ZFP62: variants seen among roughly 807,000 people sequenced by gnomAD.
ZFP62 encodes the protein zinc finger protein 62 homolog.
In ZFP62, 44 loss-of-function variants were observed where a neutral mutation model predicts 56.4. That is an observed-to-expected ratio of 0.78 (90% CI 0.61 to 1.00). The LOEUF (loss-of-function observed/expected upper bound fraction) is 1.00, where lower values mean the gene tolerates loss of function less well. Ranked by LOEUF, ZFP62 falls within the 50% of genes least tolerant of loss-of-function variation. ZFP62 has a pLI of 0.00. For missense variants in ZFP62, 1,030 were observed against 1,085.7 expected, an observed-to-expected ratio of 0.95 and a Z score of 0.72; for synonymous variants, 421 against 388.9, an observed-to-expected ratio of 1.08 and a Z score of -0.97.
At chr5:180,828,374 C>G in the ZFP62 span, among the ~76,000 whole-genome samples, 1 of 152,150 alleles carries the variant, frequency 6.6e-6, no homozygotes, top group Non-Finnish European at 1.5e-5. Context: ...GTGGGCAACA[C>G]CCCAATCCTC....
At position 180,849,131 on chromosome 5, in the gene ZFP62, A is replaced by G; in HGVS notation, c.2364T>C (p.Asp788=). The G allele has an allele frequency of 6.4e-7, 1 of 1,561,650 alleles. No individual in the cohort carries two copies. Among genetic ancestry groups the G allele is most frequent in the South Asian group, 1.2e-5 (1 of 84,688 alleles). The change falls in exon 2 of 2, where the codon GAT becomes GAC. Residue 788 remains aspartate, a synonymous_variant. Coordinates refer to ENST00000502412, the MANE Select transcript of ZFP62 (RefSeq NM_001172638.2). Reference sequence around the variant, plus strand: ...GTGAGATGTATGCCTTCCCACACTCATCACATTCATAGGGTTTCTCACCTG... The same window carrying G: ...GTGAGATGTATGCCTTCCCACACTCGTCACATTCATAGGGTTTCTCACCTG... The part of the protein sequence containing the change: ...IHTGEKPYEC[D]ECGKAYISHS...
chr5:180,851,233 C>A lies in ZFP62; in HGVS notation c.262G>T (p.Glu88Ter). Residue 88 changes from glutamate to a stop codon, truncating the protein, a stop_gained, in exon 2 of 2, where the codon GAG (glutamate) becomes TAG (stop). Transcript: ENST00000502412. LOFTEE classifies it high-confidence loss of function. ...TANIKTEQEG[E>*]ASEKSLHLSP... ...AGATGCAAGCTCTTCTCAGATGCCT[C>A]ACCTTCCTGTTCTGTCTTTATATTT... 5.8e-6 allele frequency: 9 copies of A among 1,551,676 alleles called. No individual in the cohort carries two copies. The highest frequency in any genetic ancestry group is 7.8e-6 in the Non-Finnish European group (9 of 1,146,970).
chr5:180,856,175 C>G (rs1773959278), intron 1 of ZFP62, among the ~76,000 whole-genome samples: 1 of 152,248 alleles, frequency 6.6e-6, no homozygotes, highest in Non-Finnish European at 1.5e-5. Flanking sequence ...CCTCCCTGTT[C>G]TGGCTCTGCT....
Position 180,851,388 on chromosome 5 carries a change from T to G in ZFP62, c.107A>C (p.Glu36Ala). 1 of 1,551,708 alleles carries G rather than the reference T, an allele frequency of 6.4e-7. No individual in the cohort carries two copies. The highest frequency in any genetic ancestry group is 1.2e-5 in the South Asian group (1 of 84,064). Reference sequence around the variant, plus strand: ...AACACATGTGTCACCAACCTTAGATTCAGGCATAGGATCCTCCACTTTTGG... The same window carrying G: ...AACACATGTGTCACCAACCTTAGATGCAGGCATAGGATCCTCCACTTTTGG... ...KWPKVEDPMP[E>A]SKVGDTCVWD... The change falls in exon 2 of 2, where the codon GAA becomes GCA. Residue 36 changes from glutamate to alanine, a missense_variant. Coordinates refer to ENST00000502412, the MANE Select transcript of ZFP62 (RefSeq NM_001172638.2).
chr5:180,844,538 TGGGAAAACACA>T (rs1449606326), downstream of ZFP62, among the ~76,000 whole-genome samples: 3 of 152,170 alleles, frequency 2.0e-5, no homozygotes, highest in African/African-American at 7.2e-5. Flanking sequence ...TGAATATTGC[TGGGAAAACACA>T]GGGGAAACAA....
Position 180,847,872 on chromosome 5 carries a change from G to A in ZFP62, c.*920C>T, listed in dbSNP as rs879366550. On this transcript the variant is annotated 3_prime_UTR_variant, in exon 2 of 2. Transcript: ENST00000502412. ...CTTTTTAGCTTCTGCAATAAAATGCGTTCCTTCTCAGCATTTCTATTCATA... is the reference window on the plus strand; with the variant it reads ...CTTTTTAGCTTCTGCAATAAAATGCATTCCTTCTCAGCATTTCTATTCATA... The A allele has an allele frequency of 1.1e-4, 106 of 985,250 alleles. No individual in the cohort carries two copies. Among genetic ancestry groups the A allele is most frequent in the Non-Finnish European group, 1.2e-4 (103 of 829,920 alleles). 61.0% of individuals were successfully genotyped at this position (985,250 alleles called of 1,614,324 possible). A position where few individuals can be genotyped will look rare whatever the true frequency, so the allele number is the denominator to read the frequency against.
the ZFP62 span, among the ~76,000 whole-genome samples, chr5:180,827,405 C>G: frequency 2.5e-4 from 38 of 152,096 alleles, no homozygotes; most frequent in African/African-American, 9.2e-4. Flanking sequence ...ACCCCCAACC[C>G]TGTGCTCCCT....
At chr5:180,833,763 C>G in the ZFP62 span, among the ~76,000 whole-genome samples, 1 of 151,430 alleles carries the variant, frequency 6.6e-6, no homozygotes, top group Non-Finnish European at 1.5e-5. Context: ...CTCTGCCTCC[C>G]GGGTTCAAGC....
At chr5:180,838,675 C>G in the ZFP62 span, among the ~76,000 whole-genome samples, 2 of 152,062 alleles carry the variant, frequency 1.3e-5, no homozygotes, top group Non-Finnish European at 2.9e-5. Context: ...AAGTTTTATA[C>G]TATACTTCTT....
the ZFP62 span, among the ~76,000 whole-genome samples, chr5:180,838,008 T>C: frequency 6.6e-6 from 1 of 152,214 alleles, no homozygotes; most frequent in Non-Finnish European, 1.5e-5. Flanking sequence ...TTGAGGATGT[T>C]GACTCTCCTT....
At chr5:180,828,239 C>T in the ZFP62 span, among the ~76,000 whole-genome samples, 1 of 152,186 alleles carries the variant, frequency 6.6e-6, no homozygotes, top group African/African-American at 2.4e-5. Context: ...TTCAACGTGC[C>T]CTGCCAAACC....
intron 1 of ZFP62, among the ~76,000 whole-genome samples, chr5:180,858,257 C>CAAAAAAAAAAAAAA (rs1159409435): frequency 5.0e-5 from 2 of 40,260 alleles, no homozygotes; most frequent in African/African-American, 8.0e-5. Flanking sequence ...AACTCTGTCT[C>CAAAAAAAAAAAAAA]AAAAAAAAAA....
Position 180,849,925 on chromosome 5 carries a change from T to C in ZFP62, c.1570A>G (p.Lys524Glu), listed in dbSNP as rs1007502032. The change falls in exon 2 of 2, where the codon AAA becomes GAA. Residue 524 changes from lysine (K) to glutamate (E), a missense_variant. Lys to Glu is a moderately conservative substitution (Grantham distance 56, BLOSUM62 1). Coordinates refer to ENST00000502412, the MANE Select transcript of ZFP62 (RefSeq NM_001172638.2). Reference protein sequence around the residue: ...FNYSSALEQHKRIHTREKPFG... With the variant: ...FNYSSALEQHERIHTREKPFG... ...GGTTTTTCCCTGGTATGAATCCTTTTATGCTGTTCAAGGGCAGAGCTGTAG... is the reference window on the plus strand; with the variant it reads ...GGTTTTTCCCTGGTATGAATCCTTTCATGCTGTTCAAGGGCAGAGCTGTAG... 6 of 1,551,728 alleles carry C rather than the reference T, an allele frequency of 3.9e-6. No homozygotes were observed. Among genetic ancestry groups the C allele is most frequent in the Non-Finnish European group, 5.2e-6 (6 of 1,147,010 alleles).
the ZFP62 span, chr5:180,830,824 G>T: frequency 6.6e-6 from 1 of 152,402 alleles, no homozygotes; most frequent in East Asian, 1.9e-4. Context: ...TTCCACCTGC[G>T]CAGAGGTAGC....
the ZFP62 span, among the ~76,000 whole-genome samples, chr5:180,838,135 G>A: frequency 0.056 from 8,537 of 152,172 alleles, 318 homozygotes; most frequent in Non-Finnish European, 0.083. Flanking sequence ...TTCAGCTCCC[G>A]TTACACAAAA....
chr5:180,839,923 G>A, the ZFP62 span, among the ~76,000 whole-genome samples: 1 of 152,144 alleles, frequency 6.6e-6, no homozygotes, highest in African/African-American at 2.4e-5. Flanking sequence ...TTTGCTTCTG[G>A]TAAGATTTTG....
At chr5:180,860,741 C>T (rs1774263323) in intron 1 of ZFP62, 1 of 160,248 alleles carries the variant, frequency 6.2e-6, no homozygotes, top group East Asian at 1.7e-4. Flanking sequence ...GGAAGAAGGT[C>T]GAATCAGATC....
chr5:180,827,785 G>A, the ZFP62 span, among the ~76,000 whole-genome samples: 1 of 152,218 alleles, frequency 6.6e-6, no homozygotes, highest in South Asian at 2.1e-4. Context: ...CTGGGCAATG[G>A]AATGTCTCGG....
intron 1 of ZFP62, among the ~76,000 whole-genome samples, chr5:180,852,353 C>T (rs911387876): frequency 1.3e-5 from 2 of 152,024 alleles, no homozygotes; most frequent in East Asian, 1.9e-4. Context: ...GTCAAGAGAT[C>T]GAGACCATCC....
Sources: gnomAD v4.1 joint callset for allele counts (sites outside exome capture counted in the v4.1 genomes callset) on GRCh38, gnomAD v4.1.1 for gene constraint, MANE v1.5 for transcripts, NCBI Gene and HGNC (gene_info 2026-07-23, HGNC 2026-07-21) for gene names.